Variants in GIGYF2 observed in about 807,000 individuals in gnomAD.
The protein encoded by GIGYF2 is GRB10-interacting GYF protein 2.
In GIGYF2, 25 loss-of-function variants were observed where a neutral mutation model predicts 208.1. That is an observed-to-expected ratio of 0.12 (90% CI 0.09 to 0.17). GIGYF2 has a LOEUF of 0.17. GIGYF2 is among the 10% of genes least tolerant of loss of function. The probability of loss-of-function intolerance (pLI) is 1.00; values close to 1 mark genes in which losing one functional copy is unlikely to be tolerated. For missense variants in GIGYF2, 1,302 were observed against 1,579.4 expected, an observed-to-expected ratio of 0.82 and a Z score of 2.98; for synonymous variants, 534 against 543.8, an observed-to-expected ratio of 0.98 and a Z score of 0.25.
At chr2:232,754,452 G>A (rs1698455915) in intron 5 of GIGYF2, among the ~76,000 whole-genome samples, 1 of 152,146 alleles carries the variant, frequency 6.6e-6, no homozygotes, top group Admixed American at 6.5e-5. Flanking sequence ...ACTTTCATCA[G>A]CAATGTATGA....
At chr2:232,711,286 G>C (rs965450367) in intron 2 of GIGYF2, among the ~76,000 whole-genome samples, 5 of 144,544 alleles carry the variant, frequency 3.5e-5, no homozygotes, top group Non-Finnish European at 7.5e-5. Flanking sequence ...TTTTTATAGA[G>C]ATAGGGTTTC....
chr2:232,822,889 A>T (rs1231567072), intron 21 of GIGYF2, among the ~76,000 whole-genome samples: 3 of 151,980 alleles, frequency 2.0e-5, no homozygotes, highest in Non-Finnish European at 4.4e-5. Context: ...TTCCTTTCCA[A>T]CCTTGGATAG....
chr2:232,772,289 G>C (rs149353417), intron 8 of GIGYF2, among the ~76,000 whole-genome samples: 408 of 152,162 alleles, frequency 2.7e-3, no homozygotes, highest in African/African-American at 9.6e-3. Flanking sequence ...TTTCTGTCCT[G>C]GATGATGGAT....
chr2:232,804,505 T>C (rs1700498446), intron 14 of GIGYF2, among the ~76,000 whole-genome samples: 1 of 152,120 alleles, frequency 6.6e-6, no homozygotes, highest in Non-Finnish European at 1.5e-5. Context: ...ATTTATCCTT[T>C]TTTTGAGATG....
chr2:232,708,777 A>G (rs1432005454), intron 2 of GIGYF2, among the ~76,000 whole-genome samples: 3 of 150,780 alleles, frequency 2.0e-5, no homozygotes, highest in Non-Finnish European at 4.4e-5. Flanking sequence ...TGATCCTCCC[A>G]TTGCACTCCA....
intron 8 of GIGYF2, among the ~76,000 whole-genome samples, chr2:232,785,644 G>T (rs1040608272): frequency 4.6e-5 from 7 of 152,158 alleles, no homozygotes; most frequent in Non-Finnish European, 1.0e-4. Flanking sequence ...GGGATTGTTG[G>T]TGAGCTCTTA....
intron 8 of GIGYF2, among the ~76,000 whole-genome samples, chr2:232,775,170 A>G (rs1185286564): frequency 6.6e-6 from 1 of 151,966 alleles, no homozygotes; most frequent in African/African-American, 2.4e-5. Flanking sequence ...TTAACCAATT[A>G]CCCTGAATAA....
At chr2:232,789,145 TA>T (rs1699998753) in intron 9 of GIGYF2, among the ~76,000 whole-genome samples, 1 of 152,182 alleles carries the variant, frequency 6.6e-6, no homozygotes, top group South Asian at 2.1e-4. Flanking sequence ...CAGTCAGCCT[TA>T]ATAAGTACCT....
At position 232,815,773 on chromosome 2, in the gene GIGYF2, A is replaced by T. The variant is rs776762665; in HGVS notation, c.2208+36A>T. 5 of 1,044,752 alleles carry T rather than the reference A, an allele frequency of 4.8e-6. No homozygotes were observed. In the East Asian group the frequency reaches 1.2e-4, roughly 25 times the overall value. 64.7% of individuals were successfully genotyped at this position (1,044,752 alleles called of 1,614,324 possible). A position where few individuals can be genotyped will look rare whatever the true frequency, so the allele number is the denominator to read the frequency against. The stretch of plus-strand genomic sequence containing the variant: ...CATTCTTCTGCAACAGTGCATTGTC[A>T]TCTGGCTGCAGGACATAAACATTGC... On this transcript the variant is annotated intron_variant, in intron 19 of 28. Transcript: ENST00000373563.
intron 23 of GIGYF2, among the ~76,000 whole-genome samples, chr2:232,843,435 C>T (rs573270365): frequency 3.3e-5 from 5 of 151,542 alleles, no homozygotes; most frequent in African/African-American, 9.7e-5. Context: ...TGGTGGCAGG[C>T]GCCTGTAATC....
intron 9 of GIGYF2, chr2:232,788,493 G>T (rs1051555942): frequency 2.0e-5 from 9 of 453,010 alleles, no homozygotes; most frequent in South Asian, 3.3e-5. Flanking sequence ...CGTAGGCAGA[G>T]GGTTTGTAGA....
At chr2:232,711,707 A>ATATATATATATATG (rs1559375678) in intron 2 of GIGYF2, among the ~76,000 whole-genome samples, 2 of 134,350 alleles carry the variant, frequency 1.5e-5, no homozygotes, top group African/African-American at 6.3e-5. Flanking sequence ...ACAATGATGT[A>ATATATATATATATG]TATATATATA....
At chr2:232,704,106 A>G (rs1370444162) in intron 2 of GIGYF2, among the ~76,000 whole-genome samples, 1 of 152,096 alleles carries the variant, frequency 6.6e-6, no homozygotes. Context: ...TGATCACATT[A>G]GTTATGGACA....
intron 8 of GIGYF2, among the ~76,000 whole-genome samples, chr2:232,786,171 C>G (rs1699902314): frequency 6.6e-6 from 1 of 152,164 alleles, no homozygotes; most frequent in African/African-American, 2.4e-5. Context: ...GCTTTAAATT[C>G]TGTCCAAAAG....
intron 12 of GIGYF2, among the ~76,000 whole-genome samples, chr2:232,792,806 T>A (rs560283091): frequency 3.0e-4 from 45 of 152,326 alleles, no homozygotes; most frequent in African/African-American, 1.1e-3. Flanking sequence ...TTCTTTTGAA[T>A]GTACGTGCTT....
chr2:232,832,323 C>G (rs966320373), intron 21 of GIGYF2, among the ~76,000 whole-genome samples: 2 of 152,144 alleles, frequency 1.3e-5, no homozygotes, highest in African/African-American at 4.8e-5. Context: ...GGAAAATGAG[C>G]CCAGGTGAGG....
At chr2:232,726,945 T>C (rs1697227948) in intron 2 of GIGYF2, among the ~76,000 whole-genome samples, 1 of 152,364 alleles carries the variant, frequency 6.6e-6, no homozygotes, top group South Asian at 2.1e-4. Context: ...AGGTCATCCA[T>C]TTCTGTGGAA....
At chr2:232,856,585 G>C (rs530221513) in intron 28 of GIGYF2, among the ~76,000 whole-genome samples, 2 of 152,246 alleles carry the variant, frequency 1.3e-5, no homozygotes, top group South Asian at 4.2e-4. Flanking sequence ...CCAGCTACTT[G>C]GGAGTCTACG....
intron 2 of GIGYF2, among the ~76,000 whole-genome samples, chr2:232,712,952 G>A (rs1696494544): frequency 6.6e-6 from 1 of 152,142 alleles, no homozygotes; most frequent in Non-Finnish European, 1.5e-5. Context: ...CTGCTATGAA[G>A]AAAATGTTCT....
Sources: allele counts gnomAD v4.1 joint callset (sites outside exome capture counted in the v4.1 genomes callset), GRCh38; gene constraint gnomAD v4.1.1; transcripts MANE v1.5; gene names NCBI Gene and HGNC (gene_info 2026-07-23, HGNC 2026-07-21).